CACNA1H: variants seen among roughly 807,000 people sequenced by gnomAD.
CACNA1H encodes calcium voltage-gated channel subunit alpha1 H.
A neutral mutation model predicts 192.5 loss-of-function variants in CACNA1H; 149 were observed. That is an observed-to-expected ratio of 0.77 (90% confidence interval 0.68 to 0.89). The LOEUF (loss-of-function observed/expected upper bound fraction) is 0.89, where lower values mean the gene tolerates loss of function less well. Ranked by LOEUF, CACNA1H falls within the 40% of genes least tolerant of loss-of-function variation. The probability of loss-of-function intolerance (pLI) is 0.00; values close to 1 mark genes in which losing one functional copy is unlikely to be tolerated. For missense variants in CACNA1H, 4,257 were observed against 3,423.5 expected, an observed-to-expected ratio of 1.24 and a Z score of -6.08; for synonymous variants, 2,202 against 1,475.2, an observed-to-expected ratio of 1.49 and a Z score of -11.29.
At chr16:1,156,975 T>C (rs1429101442) in intron 2 of CACNA1H, 1 of 152,220 alleles carries the variant, frequency 6.6e-6, no homozygotes, top group East Asian at 1.9e-4. Flanking sequence ...TTAGAACTTT[T>C]GGGGCGAGCG....
At chr16:1,214,784 G>T (rs866314135) in intron 27 of CACNA1H, among the ~76,000 whole-genome samples, 188 bp from the exon 28 acceptor site, 1 of 152,098 alleles carries the variant, frequency 6.6e-6, no homozygotes. Flanking sequence ...AGACACTTAC[G>T]GAGCACTTCC....
Position 1,218,313 on chromosome 16 carries a change from T to C in CACNA1H, c.5549T>C (p.Val1850Ala), listed in dbSNP as rs1452072858. 1 of 1,556,650 alleles carries C rather than the reference T, an allele frequency of 6.4e-7. No individual in the cohort carries two copies. Among genetic ancestry groups the C allele is most frequent in the East Asian group, 2.4e-5 (1 of 41,284 alleles). The part of the protein sequence containing the change: ...FVTFVLVAQF[V>A]LVNVVVAVLM... The stretch of plus-strand genomic sequence containing the variant: ...ACCTTCGTGCTGGTGGCCCAGTTCG[T>C]GCTGGTGAACGTGGTGGTGGCCGTG... The change falls in exon 33 of 35, where the codon GTG (valine) becomes GCG (alanine). Residue 1850 changes from valine to alanine, a missense_variant. Physicochemically the swap from Val to Ala is moderately conservative, Grantham distance 64 (BLOSUM62 0). Transcript: ENST00000348261.
At chr16:1,185,199 CTGAG>C (rs1330298944) in intron 2 of CACNA1H, among the ~76,000 whole-genome samples, 2 of 152,186 alleles carry the variant, frequency 1.3e-5, no homozygotes, top group Non-Finnish European at 2.9e-5. Flanking sequence ...CTTTTCATGG[CTGAG>C]TAATATTCCA....
At chr16:1,214,819 G>A (rs1038223791) in intron 27 of CACNA1H, among the ~76,000 whole-genome samples, 153 bp from the exon 28 acceptor site, 147 of 152,236 alleles carry the variant, frequency 9.7e-4, no homozygotes, top group African/African-American at 3.2e-3. Context: ...GAGGAGGGCC[G>A]AAGAGGCTCC....
chr16:1,156,567 G>C (rs900582988), intron 2 of CACNA1H, among the ~76,000 whole-genome samples: 1 of 152,100 alleles, frequency 6.6e-6, no homozygotes, highest in Admixed American at 6.5e-5. Context: ...GGTGTGGCTG[G>C]GGTGTGTCCC....
At chr16:1,212,711 C>G (rs951019249) in intron 26 of CACNA1H, among the ~76,000 whole-genome samples, 183 bp downstream of exon 26, 1 of 152,184 alleles carries the variant, frequency 6.6e-6, no homozygotes, top group African/African-American at 2.4e-5. Flanking sequence ...TGTGCGTGCA[C>G]GCGTGCGGCT....
intron 8 of CACNA1H, 115 bp downstream of exon 8, chr16:1,200,923 C>G: frequency 1.3e-6 from 1 of 747,880 alleles, no homozygotes; most frequent in Non-Finnish European, 2.3e-6. Flanking sequence ...CTGAAGGGAG[C>G]ACACAGGGGA....
intron 2 of CACNA1H, among the ~76,000 whole-genome samples, chr16:1,186,946 G>A (rs1166378703): frequency 2.0e-5 from 3 of 152,124 alleles, no homozygotes; most frequent in Admixed American, 6.5e-5. Context: ...GCTGGTTCCC[G>A]GGGATCTCCT....
At chr16:1,191,111 TGTGTGGCCTC>T in intron 2 of CACNA1H, among the ~76,000 whole-genome samples, 1 of 113,616 alleles carries the variant, frequency 8.8e-6, no homozygotes, top group African/African-American at 3.8e-5. Flanking sequence ...CTGGCCTGGC[TGTGTGGCCTC>T]AGGCACACTC....
intron 21 of CACNA1H, 39 bp downstream of exon 21, chr16:1,211,010 G>A (rs776620291): frequency 6.3e-6 from 10 of 1,580,772 alleles, no homozygotes; most frequent in Non-Finnish European, 8.6e-6. Context: ...CAACCTGGAA[G>A]CACAGTCCCC....
chr16:1,155,707 A>G (rs1479397495), intron 2 of CACNA1H, among the ~76,000 whole-genome samples: 1 of 151,894 alleles, frequency 6.6e-6, no homozygotes, highest in East Asian at 1.9e-4. Flanking sequence ...CTCTCGGCTG[A>G]GAGAGTTTTG....
At chr16:1,196,093 A>C in intron 5 of CACNA1H, 70 bp downstream of exon 5, 1 of 1,239,004 alleles carries the variant, frequency 8.1e-7, no homozygotes, top group East Asian at 2.3e-5. Context: ...CAGAGCTCTC[A>C]AAAGGGCCCC....
chr16:1,215,827 C>G (rs983063039), intron 30 of CACNA1H, among the ~76,000 whole-genome samples: 1 of 152,314 alleles, frequency 6.6e-6, no homozygotes, highest in Non-Finnish European at 1.5e-5. Context: ...GGGGCCCCCT[C>G]CCCGGTGCAC....
Position 1,210,047 on chromosome 16 carries a change from C to T in CACNA1H, c.3757C>T (p.Arg1253Cys), listed in dbSNP as rs372000875. Residue 1253 changes from arginine to cysteine, a missense_variant, in exon 18 of 35, where the codon CGC becomes TGC. Coordinates refer to ENST00000348261, the MANE Select transcript of CACNA1H (RefSeq NM_021098.3). The stretch of plus-strand genomic sequence containing the variant: ...CCTCATCCCACAGAGCTGCTGCCTC[C>T]GCCTGCATAAAGTGCTGGAGCCCTA... ...DDDSEDSCCL[R>C]LHKVLEPYKP... 240 of 1,550,940 alleles carry T rather than the reference C, an allele frequency of 1.5e-4. No individual in the cohort carries two copies. The highest frequency in any genetic ancestry group is 8.4e-4 in the Middle Eastern group (5 of 5,952).
At chr16:1,209,475 A>G (rs1299200162) in intron 17 of CACNA1H, 63 bp downstream of exon 17, 3 of 1,570,590 alleles carry the variant, frequency 1.9e-6, no homozygotes, top group Non-Finnish European at 1.7e-6. Context: ...AGGTTCCCTC[A>G]AGTGGGGTTT....
chr16:1,199,366 A>AC (rs1351890698), intron 6 of CACNA1H, among the ~76,000 whole-genome samples: 10 of 7,346 alleles, frequency 1.4e-3, no homozygotes, highest in South Asian at 0.016. Context: ...CATATGCCCC[A>AC]CCCCCATCAT....
intron 2 of CACNA1H, among the ~76,000 whole-genome samples, chr16:1,176,544 T>A (rs549545129): frequency 6.6e-6 from 1 of 152,232 alleles, no homozygotes; most frequent in African/African-American, 2.4e-5. Context: ...TGCTCAGAGG[T>A]GACGGGCCTG....
At position 1,219,004 on chromosome 16, in the gene CACNA1H, G is replaced by A. The variant is rs1970263584; in HGVS notation, c.5922G>A (p.Glu1974=). The A allele has an allele frequency of 6.5e-7, 1 of 1,550,334 alleles. No homozygotes were observed. The highest frequency in any genetic ancestry group is 8.7e-7 in the Non-Finnish European group (1 of 1,146,906). The change falls in exon 34 of 35, where the codon GAG becomes GAA. Residue 1974 remains glutamate, a synonymous_variant. Transcript: ENST00000348261. ...SVASVHSPPA[E]SCASLQIPLA... is the part of the protein sequence containing the mutation. ...CCTCTGTGCACTCTCCGCCCGCAGA[G>A]TCCTGTGCCTCCCTCCAGATCCCAT...
intron 2 of CACNA1H, among the ~76,000 whole-genome samples, chr16:1,160,606 G>A (rs1456008540): frequency 1.3e-5 from 2 of 152,190 alleles, no homozygotes. Flanking sequence ...CCACGTGGCC[G>A]CTGGTGTCCC....
Sources: gnomAD v4.1 joint callset for allele counts (sites outside exome capture counted in the v4.1 genomes callset) on GRCh38, gnomAD v4.1.1 for gene constraint, MANE v1.5 for transcripts, NCBI Gene and HGNC (gene_info 2026-07-23, HGNC 2026-07-21) for gene names.